The following SAMD3 variants were observed in gnomAD, a reference collection of about 807,000 sequenced individuals.
SAMD3 encodes sterile alpha motif domain-containing protein 3.
Under a neutral mutation model 58.5 loss-of-function variants are expected in SAMD3, and 63 were observed. The observed-to-expected ratio is 1.08, with a 90% CI of 0.88 to 1.33. The LOEUF (loss-of-function observed/expected upper bound fraction) is 1.33, where lower values mean the gene tolerates loss of function less well. Ranked by LOEUF, SAMD3 falls within the 40% of genes most tolerant of loss-of-function variation. The probability of loss-of-function intolerance (pLI) is 0.00; values close to 1 mark genes in which losing one functional copy is unlikely to be tolerated. For synonymous variants in SAMD3, 220 were observed against 210.3 expected, an observed-to-expected ratio of 1.05 and a Z score of -0.40; for missense variants, 604 against 608.4, an observed-to-expected ratio of 0.99 and a Z score of 0.08.
At chr6:130,297,609 A>G (rs1775612945) in intron 2 of SAMD3, among the ~76,000 whole-genome samples, 1 of 152,208 alleles carries the variant, frequency 6.6e-6, no homozygotes, top group South Asian at 2.1e-4. Context: ...GAGATCCAAG[A>G]GAAAGTTGAA....
rs144051262 is a variant in SAMD3 at position 130,145,391 on chromosome 6, G to A, written c.1227C>T (p.Leu409=). The change falls in exon 11 of 12, where the codon CTC becomes CTT. Residue 409 remains leucine (L), a synonymous_variant. Coordinates refer to ENST00000439090, the MANE Select transcript of SAMD3 (RefSeq NM_001017373.4). ...YMKMTATCLL[L]PDVFGDDPSL... is the part of the protein sequence containing the mutation. The stretch of plus-strand genomic sequence containing the variant: ...TGGGATCATCCCCAAAAACATCTGG[G>A]AGGAGTAAACATGTGGCTGTCATCT... The A allele has an allele frequency of 1.2e-6, 2 of 1,611,624 alleles. No individual in the cohort carries two copies.
At chr6:130,204,620 G>A (rs1488413711) in intron 5 of SAMD3, among the ~76,000 whole-genome samples, 1 of 150,370 alleles carries the variant, frequency 6.7e-6, no homozygotes, top group Non-Finnish European at 1.5e-5. Context: ...AAAAAGCACG[G>A]TATCTGCTGT....
intron 5 of SAMD3, among the ~76,000 whole-genome samples, chr6:130,203,634 A>G (rs1481640419): frequency 6.6e-6 from 1 of 152,232 alleles, no homozygotes; most frequent in Non-Finnish European, 1.5e-5. Context: ...CAGAGCCCAC[A>G]GAAAATGCTT....
intron 2 of SAMD3, among the ~76,000 whole-genome samples, chr6:130,296,359 C>CA (rs1421063550): frequency 1.3e-5 from 2 of 152,096 alleles, no homozygotes; most frequent in Non-Finnish European, 2.9e-5. Flanking sequence ...CCAGGAAACT[C>CA]AGAGTCCATG....
intron 8 of SAMD3, among the ~76,000 whole-genome samples, chr6:130,168,122 C>T (rs535618348): frequency 6.6e-6 from 1 of 152,256 alleles, no homozygotes; most frequent in African/African-American, 2.4e-5. Context: ...CCTGTGGAAG[C>T]CCATGTGACA....
chr6:130,189,122 A>T (rs1046133650), intron 5 of SAMD3, among the ~76,000 whole-genome samples: 13 of 151,632 alleles, frequency 8.6e-5, no homozygotes, highest in African/African-American at 2.9e-4. Context: ...AAAAAAACCA[A>T]AAAACAAAAA....
At chr6:130,241,697 A>T (rs1773364578) in intron 2 of SAMD3, among the ~76,000 whole-genome samples, 1 of 152,132 alleles carries the variant, frequency 6.6e-6, no homozygotes, top group Admixed American at 6.5e-5. Context: ...CAACTTTGAA[A>T]AATTTCTTAT....
intron 7 of SAMD3, among the ~76,000 whole-genome samples, chr6:130,181,981 C>A (rs555319396): frequency 6.6e-6 from 1 of 150,554 alleles, no homozygotes; most frequent in Non-Finnish European, 1.5e-5. Flanking sequence ...AGGAGAATGG[C>A]GTGAACCCAT....
chr6:130,276,141 G>A (rs1035110765), intron 2 of SAMD3, among the ~76,000 whole-genome samples: 25 of 152,140 alleles, frequency 1.6e-4, no homozygotes, highest in African/African-American at 5.5e-4. Flanking sequence ...AAAATAGAAG[G>A]AGGGGCCATA....
chr6:130,180,955 T>TTC (rs71685995), intron 7 of SAMD3, among the ~76,000 whole-genome samples: 2 of 135,480 alleles, frequency 1.5e-5, no homozygotes, highest in Non-Finnish European at 1.6e-5. Flanking sequence ...CTTTCTTTCT[T>TTC]TTTTCTTTTG....
chr6:130,322,085 T>A (rs1279239983), intron 1 of SAMD3, among the ~76,000 whole-genome samples: 1 of 151,950 alleles, frequency 6.6e-6, no homozygotes, highest in Non-Finnish European at 1.5e-5. Flanking sequence ...AGGGTGAAAA[T>A]CACTATGGGA....
intron 1 of SAMD3, among the ~76,000 whole-genome samples, chr6:130,351,272 C>G (rs1046667040): frequency 6.6e-6 from 1 of 152,060 alleles, no homozygotes; most frequent in Non-Finnish European, 1.5e-5. Flanking sequence ...AAGAAACTAC[C>G]ATCAGAGTGA....
chr6:130,225,709 AG>A (rs1362831123), upstream of SAMD3, among the ~76,000 whole-genome samples: 1 of 152,272 alleles, frequency 6.6e-6, no homozygotes, highest in Non-Finnish European at 1.5e-5. Flanking sequence ...AGGTGAGAGT[AG>A]TTGGAAGAAG....
intron 7 of SAMD3, among the ~76,000 whole-genome samples, chr6:130,181,238 T>C (rs7356793): frequency 0.8 from 121,752 of 152,032 alleles, 50,039 homozygotes; most frequent in East Asian, 0.98. Context: ...TGAGCCACCG[T>C]ACCCGGCCCC....
chr6:130,175,641 T>C lies in SAMD3; in HGVS notation c.822+200A>G, dbSNP rs117788829. The C allele has an allele frequency of 7.7e-3, 3,190 of 414,634 alleles. 14 individuals carry two copies. The highest frequency in any genetic ancestry group is 9.8e-3 in the Admixed American group (246 of 25,086). The allele number at this position is 414,634 out of a possible 1,614,324, so 25.7% of individuals were successfully genotyped here. On this transcript the variant is annotated intron_variant, in intron 8 of 11. Transcript: ENST00000439090. ...AAACTGGACACGAGATGTTCAGTAATTGTTTTGGGAATTCTTTTCTTGGAA... is the reference window on the plus strand; with the variant it reads ...AAACTGGACACGAGATGTTCAGTAACTGTTTTGGGAATTCTTTTCTTGGAA...
chr6:130,319,390 G>A (rs1294978910), intron 1 of SAMD3, among the ~76,000 whole-genome samples: 1 of 151,940 alleles, frequency 6.6e-6, no homozygotes, highest in Non-Finnish European at 1.5e-5. Flanking sequence ...AAATTTAAAA[G>A]CCCGAAGCGA....
intron 8 of SAMD3, among the ~76,000 whole-genome samples, chr6:130,158,805 G>A (rs887343632): frequency 1.3e-5 from 2 of 152,200 alleles, no homozygotes; most frequent in Non-Finnish European, 2.9e-5. Context: ...ATAGCCTCTA[G>A]TGGTTTCCCA....
chr6:130,205,477 T>C (rs979776374), intron 5 of SAMD3, among the ~76,000 whole-genome samples: 13 of 152,078 alleles, frequency 8.5e-5, no homozygotes, highest in African/African-American at 2.9e-4. Flanking sequence ...CTAATTTTTA[T>C]ATTTTTAGTA....
chr6:130,220,719 A>C (rs1582966086), intron 1 of SAMD3, among the ~76,000 whole-genome samples: 1 of 152,236 alleles, frequency 6.6e-6, no homozygotes, highest in African/African-American at 2.4e-5. Flanking sequence ...AGAACGAAAA[A>C]TGCTTGACAA....
Sources: allele counts gnomAD v4.1 joint callset (sites outside exome capture counted in the v4.1 genomes callset), GRCh38; gene constraint gnomAD v4.1.1; transcripts MANE v1.5; gene names NCBI Gene and HGNC (gene_info 2026-07-23, HGNC 2026-07-21).